PSD3: variants seen among roughly 807,000 people sequenced by gnomAD.
The protein encoded by PSD3 is pleckstrin and Sec7 domain containing 3.
In PSD3, 49 loss-of-function variants were observed where a neutral mutation model predicts 105.5. That is an observed-to-expected ratio of 0.46 (90% CI 0.37 to 0.59). The LOEUF is 0.59. Ranked by LOEUF, PSD3 falls within the 20% of genes least tolerant of loss-of-function variation. PSD3 has a pLI of 0.00. For synonymous variants in PSD3, 557 were observed against 457.8 expected, an observed-to-expected ratio of 1.22 and a Z score of -2.77; for missense variants, 1,561 against 1,263.8, an observed-to-expected ratio of 1.24 and a Z score of -3.57.
At chr8:18,604,538 G>A (rs1045941266) in intron 11 of PSD3, among the ~76,000 whole-genome samples, 8 of 150,514 alleles carry the variant, frequency 5.3e-5, no homozygotes, top group African/African-American at 1.7e-4. Context: ...CTGGCCACGT[G>A]ATAGAAAAAA....
intron 8 of PSD3, among the ~76,000 whole-genome samples, chr8:18,780,405 C>A (rs926731987): frequency 5.3e-5 from 8 of 151,802 alleles, no homozygotes; most frequent in African/African-American, 1.7e-4. Context: ...GGAATTTAAA[C>A]TGTTTACATT....
At chr8:18,759,515 G>C (rs553882934) in intron 9 of PSD3, among the ~76,000 whole-genome samples, 15 of 152,234 alleles carry the variant, frequency 9.9e-5, no homozygotes, top group African/African-American at 3.1e-4. Flanking sequence ...AGGAGAGACT[G>C]TTTCAGCTAA....
chr8:18,571,524 G>A (rs1398993206), intron 14 of PSD3, among the ~76,000 whole-genome samples: 1 of 152,106 alleles, frequency 6.6e-6, no homozygotes, highest in African/African-American at 2.4e-5. Flanking sequence ...TATCCTTCCT[G>A]TACTTCTATC....
At chr8:18,985,610 G>C (rs1025300013) in intron 1 of PSD3, among the ~76,000 whole-genome samples, 1 of 152,170 alleles carries the variant, frequency 6.6e-6, no homozygotes, top group Non-Finnish European at 1.5e-5. Context: ...TTTGTCAAGA[G>C]TAATTGCCTA....
intron 7 of PSD3, 50 bp from the exon 8 acceptor site, chr8:18,799,403 G>T: frequency 7.2e-7 from 1 of 1,389,524 alleles, no homozygotes; most frequent in Non-Finnish European, 1.0e-6. Flanking sequence ...TTCACTGTTG[G>T]ACTCCACCTT....
intron 9 of PSD3, among the ~76,000 whole-genome samples, chr8:18,695,117 AC>A (rs1338017812): frequency 6.6e-6 from 1 of 152,226 alleles, no homozygotes; most frequent in East Asian, 1.9e-4. Flanking sequence ...AGACTTTTAG[AC>A]TAAAGATCCC....
At position 19,056,001 on chromosome 8, in the gene PSD3, A is replaced by G. The variant is rs57673466; in HGVS notation, c.324+28205T>C. Among the ~76,000 whole-genome samples the G allele has an allele frequency of 2.2e-3, 338 of 152,340 alleles. 5 individuals carry two copies. In the East Asian group the frequency reaches 0.04, roughly 18 times the overall value. On this transcript the variant is annotated intron_variant, in intron 1 of 1. Transcript: ENST00000521475. ...CCTTAAAGACACATTCTGCTGTAAC[A>G]TAACTCTATTATCTTGAAAAATCTT...
chr8:18,828,067 A>ATATATATATATATT (rs371473289), intron 4 of PSD3, among the ~76,000 whole-genome samples: 6 of 118,882 alleles, frequency 5.0e-5, no homozygotes, highest in African/African-American at 2.1e-4. Flanking sequence ...ATATATATAT[A>ATATATATATATATT]TTTTTTTTTT....
intron 9 of PSD3, among the ~76,000 whole-genome samples, chr8:18,700,618 A>C (rs1801522201): frequency 6.6e-6 from 1 of 152,248 alleles, no homozygotes; most frequent in South Asian, 2.1e-4. Flanking sequence ...AACCAGGAAC[A>C]GAAGCCAAGC....
chr8:18,774,886 G>A (rs1807890254), intron 8 of PSD3: 1 of 456,012 alleles, frequency 2.2e-6, no homozygotes, highest in Non-Finnish European at 4.4e-6. Context: ...CTTCCTTCTT[G>A]CCTCAAAGAT....
At chr8:18,754,760 AT>A (rs1805882711) in intron 9 of PSD3, among the ~76,000 whole-genome samples, 1 of 152,104 alleles carries the variant, frequency 6.6e-6, no homozygotes, top group South Asian at 2.1e-4. Flanking sequence ...TTTTTTAGTC[AT>A]TTTAAAAAAA....
intron 1 of PSD3, among the ~76,000 whole-genome samples, chr8:19,076,231 T>A (rs1223368263): frequency 6.6e-6 from 1 of 152,258 alleles, no homozygotes; most frequent in East Asian, 1.9e-4. Flanking sequence ...AAAGTAGGAA[T>A]GATTTATTTC....
At chr8:18,636,832 T>A (rs1355404437) in intron 10 of PSD3, among the ~76,000 whole-genome samples, 1 of 152,236 alleles carries the variant, frequency 6.6e-6, no homozygotes, top group Admixed American at 6.5e-5. Context: ...GTACACATGA[T>A]GTTCACACAG....
At chr8:18,788,563 T>C (rs1272204515) in intron 8 of PSD3, among the ~76,000 whole-genome samples, 3 of 152,190 alleles carry the variant, frequency 2.0e-5, no homozygotes, top group African/African-American at 2.4e-5. Context: ...GATTCAGAGG[T>C]TGAAGAATTA....
At chr8:18,549,623 AGAC>A (rs573991715) in intron 15 of PSD3, among the ~76,000 whole-genome samples, 61 of 152,324 alleles carry the variant, frequency 4.0e-4, no homozygotes, top group African/African-American at 1.4e-3. Context: ...TTCTGCAGGG[AGAC>A]GACAACAGAA....
chr8:18,762,319 T>C (rs1167217464), intron 9 of PSD3, among the ~76,000 whole-genome samples: 1 of 152,118 alleles, frequency 6.6e-6, no homozygotes, highest in Non-Finnish European at 1.5e-5. Flanking sequence ...TGCCTCCCCT[T>C]CTGCCACGAT....
chr8:18,621,952 G>C (rs1390757568), intron 11 of PSD3, among the ~76,000 whole-genome samples: 1 of 152,204 alleles, frequency 6.6e-6, no homozygotes, highest in Non-Finnish European at 1.5e-5. Flanking sequence ...GGATGACTCA[G>C]AATAAATTCT....
chr8:18,829,857 G>A (rs1238919663), intron 4 of PSD3, among the ~76,000 whole-genome samples: 7 of 151,938 alleles, frequency 4.6e-5, no homozygotes, highest in Admixed American at 1.3e-4. Context: ...AAAGACAACC[G>A]TTTCACAGGG....
chr8:18,591,261 G>A (rs2035685), intron 12 of PSD3, among the ~76,000 whole-genome samples: 61,727 of 151,914 alleles, frequency 0.41, 12,587 homozygotes, highest in South Asian at 0.56. Flanking sequence ...CATCTCTGAT[G>A]GGGGAAAGGA....
Sources: allele counts gnomAD v4.1 joint callset (sites outside exome capture counted in the v4.1 genomes callset), GRCh38; gene constraint gnomAD v4.1.1; transcripts MANE v1.5; gene names NCBI Gene and HGNC (gene_info 2026-07-23, HGNC 2026-07-21).